Variants in OSBPL3 observed in about 807,000 individuals in gnomAD.
The protein encoded by OSBPL3 is oxysterol-binding protein-related protein 3.
A neutral mutation model predicts 120.1 loss-of-function variants in OSBPL3; 65 were observed. The observed-to-expected ratio is 0.54, with a 90% CI of 0.44 to 0.67. The LOEUF (loss-of-function observed/expected upper bound fraction) is 0.67. Ranked by LOEUF, OSBPL3 falls within the 30% of genes least tolerant of loss-of-function variation. OSBPL3 has a pLI of 0.00. For missense variants in OSBPL3, 1,004 were observed against 1,082.1 expected, an observed-to-expected ratio of 0.93 and a Z score of 1.01; for synonymous variants, 416 against 402.6, an observed-to-expected ratio of 1.03 and a Z score of -0.40.
chr7:24,901,989 A>C (rs1316379186), intron 1 of OSBPL3, among the ~76,000 whole-genome samples: 1 of 152,258 alleles, frequency 6.6e-6, no homozygotes, highest in Non-Finnish European at 1.5e-5. Flanking sequence ...AAAGACTAAA[A>C]GCTGTGGACT....
At position 24,803,710 on chromosome 7, in the gene OSBPL3, G is replaced by A. The variant is rs1442196029; in HGVS notation, c.2567+605C>T. ...CGCTTGAACCCAGGAGGTGGAGGCTGCAGTGAGTCAAGATGGTGCCACTGC... is the reference window on the plus strand; with the variant it reads ...CGCTTGAACCCAGGAGGTGGAGGCTACAGTGAGTCAAGATGGTGCCACTGC... On this transcript the variant is annotated intron_variant, in intron 22 of 22. Coordinates refer to ENST00000313367, the MANE Select transcript of OSBPL3 (RefSeq NM_015550.4). The surrounding 1 kb of genome is among the most constrained non-coding windows in gnomAD (Gnocchi z 4.2). Among the ~76,000 whole-genome samples, 4 of 152,056 alleles carry A rather than the reference G, an allele frequency of 2.6e-5. No individual in the cohort carries two copies. Among genetic ancestry groups the A allele is most frequent in the African/African-American group, 9.7e-5 (4 of 41,400 alleles).
At chr7:24,929,863 T>C (rs567498611) in intron 1 of OSBPL3, among the ~76,000 whole-genome samples, 1 of 152,208 alleles carries the variant, frequency 6.6e-6, no homozygotes, top group Non-Finnish European at 1.5e-5. Flanking sequence ...GTGAATCAAT[T>C]GGCAAATCTT....
In OSBPL3 at chr7:24,804,371, T is replaced by C. The variant is rs1792767449; in HGVS notation, c.2511A>G (p.Arg837=). Residue 837 remains arginine, a synonymous_variant, in exon 22 of 23, where the codon AGA becomes AGG. Coordinates refer to ENST00000313367, the MANE Select transcript of OSBPL3 (RefSeq NM_015550.4). This position sits in a 1 kb window ranked among gnomAD's most constrained non-coding sequence, Gnocchi z 5.4. The part of the protein sequence containing the change: ...IQKQRIEQLQ[R]ERRRVLEENH... Reference sequence around the variant, plus strand: ...TTTCTTCTAAGACCCGCCGCCTTTCTCTCTGCAGTTGTTCAATCCTCTGCT... The same window carrying C: ...TTTCTTCTAAGACCCGCCGCCTTTCCCTCTGCAGTTGTTCAATCCTCTGCT... 6.2e-7 allele frequency: 1 copy of C among 1,614,106 alleles called. No individual in the cohort carries two copies. The highest frequency in any genetic ancestry group is 2.2e-5 in the East Asian group (1 of 44,888).
At chr7:24,839,988 TCA>T (rs71554008) in intron 14 of OSBPL3, among the ~76,000 whole-genome samples, 3 of 23,508 alleles carry the variant, frequency 1.3e-4, no homozygotes, top group Non-Finnish European at 1.8e-4. Context: ...AGACTCCATC[TCA>T]CAAAAAAAAA....
rs933408057 is a variant in OSBPL3, at chr7:24,913,086, T to A, written c.-149-20465A>T. On this transcript the variant is annotated intron_variant, in intron 1 of 22. Transcript: ENST00000313367. This position sits in a 1 kb window ranked among gnomAD's most constrained non-coding sequence, Gnocchi z 5.3. ...ACATGTGACTGAGCAAGGATTCAAA[T>A]GTCCCAGCCTCCAGCCTTCCTGCTG... 2.6e-5 allele frequency among the ~76,000 whole-genome samples: 4 copies of A among 152,200 alleles called. No homozygotes were observed. The highest frequency in any genetic ancestry group is 5.9e-5 in the Non-Finnish European group (4 of 68,042).
chr7:24,923,515 ATT>A (rs952155678), intron 1 of OSBPL3, among the ~76,000 whole-genome samples: 1 of 152,054 alleles, frequency 6.6e-6, no homozygotes, highest in Non-Finnish European at 1.5e-5. Flanking sequence ...CAGGGCAGCT[ATT>A]TTTAACCATG....
intron 12 of OSBPL3, among the ~76,000 whole-genome samples, chr7:24,845,258 T>C (rs1378778167): frequency 6.6e-6 from 1 of 151,658 alleles, no homozygotes; most frequent in Non-Finnish European, 1.5e-5. Context: ...GCTGAATAGT[T>C]TTTCCTTTTT....
chr7:24,980,618 A>G (rs1169019326), upstream of OSBPL3, among the ~76,000 whole-genome samples: 2 of 152,076 alleles, frequency 1.3e-5, no homozygotes, highest in Non-Finnish European at 2.9e-5. Flanking sequence ...CGCACAGGCT[A>G]GGAGAACTCG....
intron 7 of OSBPL3, among the ~76,000 whole-genome samples, chr7:24,864,002 C>A (rs183411162): frequency 5.9e-5 from 9 of 152,324 alleles, no homozygotes; most frequent in Non-Finnish European, 1.0e-4. Context: ...CCATCATCAT[C>A]ATCATCATCA....
chr7:24,874,485 G>C (rs1440859123), intron 2 of OSBPL3, among the ~76,000 whole-genome samples: 1 of 152,098 alleles, frequency 6.6e-6, no homozygotes, highest in Non-Finnish European at 1.5e-5. Context: ...AAGTAGATAA[G>C]ATCATACCTG....
intron 1 of OSBPL3, among the ~76,000 whole-genome samples, chr7:24,914,663 G>A (rs1050467952): frequency 2.0e-5 from 3 of 152,042 alleles, no homozygotes; most frequent in African/African-American, 7.2e-5. Flanking sequence ...AAAGTAAGAT[G>A]GCCAAAACTT....
chr7:24,816,451 T>C (rs1448876648), intron 18 of OSBPL3, among the ~76,000 whole-genome samples, 159 bp downstream of exon 18: 1 of 150,906 alleles, frequency 6.6e-6, no homozygotes, highest in Non-Finnish European at 1.5e-5. Context: ...AAAGTGAGCT[T>C]GCCAAAAGGA....
At chr7:24,832,713 C>A (rs973510604) in intron 15 of OSBPL3, among the ~76,000 whole-genome samples, 1 of 152,058 alleles carries the variant, frequency 6.6e-6, no homozygotes, top group African/African-American at 2.4e-5. Context: ...AAATAGAACA[C>A]AACCGATGAA....
At position 24,900,132 on chromosome 7, in the gene OSBPL3, A is replaced by G. The variant is rs1195934236; in HGVS notation, c.-149-7511T>C. ...CCTGGGACCTTGTTAGGAATGCAAA[A>G]TCTCTGACCCTACCACAGACCAACA... On this transcript the variant is annotated intron_variant, in intron 1 of 22. Transcript: ENST00000313367. The surrounding 1 kb of genome is among the most constrained non-coding windows in gnomAD (Gnocchi z 4.5). 6.6e-6 allele frequency among the ~76,000 whole-genome samples: 1 copy of G among 152,154 alleles called. No individual in the cohort carries two copies. Among genetic ancestry groups the G allele is most frequent in the East Asian group, 1.9e-4 (1 of 5,192 alleles).
In OSBPL3 at chr7:24,840,790, G is replaced by T; in HGVS notation, c.1402-7C>A. On this transcript the variant is annotated splice_region_variant and splice_polypyrimidine_tract_variant and intron_variant, in intron 13 of 22. Transcript: ENST00000313367. ...ATGAGTCATCATCAGAAATCTATGG[G>T]AAAGAAGAAATAACATTCATTAGAG... The T allele has an allele frequency of 8.0e-7, 1 of 1,249,666 alleles. No homozygotes were observed. Among genetic ancestry groups the T allele is most frequent in the Non-Finnish European group, 1.1e-6 (1 of 881,016 alleles). The allele number at this position is 1,249,666 out of a possible 1,614,324, so 77.4% of individuals were successfully genotyped here. A position where few individuals can be genotyped will look rare whatever the true frequency, so the allele number is the denominator to read the frequency against.
At chr7:24,843,200 G>A (rs1797995396) in intron 12 of OSBPL3, among the ~76,000 whole-genome samples, 1 of 152,110 alleles carries the variant, frequency 6.6e-6, no homozygotes, top group South Asian at 2.1e-4. Context: ...CTGAATGAAT[G>A]GTGAGAGAAC....
chr7:24,961,621 A>T (rs770111499), intron 1 of OSBPL3, among the ~76,000 whole-genome samples: 2 of 152,166 alleles, frequency 1.3e-5, no homozygotes, highest in Non-Finnish European at 2.9e-5. Context: ...GGCCCTCACC[A>T]GACACCAGAT....
intron 1 of OSBPL3, among the ~76,000 whole-genome samples, chr7:24,962,231 A>T (rs1040245278): frequency 9.9e-5 from 15 of 151,840 alleles, no homozygotes; most frequent in African/African-American, 3.6e-4. Flanking sequence ...TGAACCTGGG[A>T]GGCGGAGGTT....
At position 24,849,259 on chromosome 7, in the gene OSBPL3, T is replaced by G. The variant is rs958522660; in HGVS notation, c.1159-83A>C. The G allele has an allele frequency of 2.1e-5, 21 of 984,346 alleles. No individual in the cohort carries two copies. Among genetic ancestry groups the G allele is most frequent in the Non-Finnish European group, 3.1e-5 (20 of 644,056 alleles). The allele number at this position is 984,346 out of a possible 1,614,324, so 61.0% of individuals were successfully genotyped here. A position where few individuals can be genotyped will look rare whatever the true frequency, so the allele number is the denominator to read the frequency against. On this transcript the variant is annotated intron_variant, in intron 11 of 22. Transcript: ENST00000313367. This position sits in a 1 kb window ranked among gnomAD's most constrained non-coding sequence, Gnocchi z 5.4. ...AGCAGTGGGCCCTGCAGGAGCGATC[T>G]CTAAGAGCTTGATGAAACTCTTAGT...
Sources: gnomAD v4.1 joint callset for allele counts (sites outside exome capture counted in the v4.1 genomes callset) on GRCh38, gnomAD v4.1.1 for gene constraint, Gnocchi (gnomAD v3.1) non-coding constraint, MANE v1.5 for transcripts, NCBI Gene and HGNC (gene_info 2026-07-23, HGNC 2026-07-21) for gene names.